Variants in SLC17A6 observed in about 807,000 individuals in gnomAD.
SLC17A6 encodes the protein vesicular glutamate transporter 2.
A neutral mutation model predicts 67.1 loss-of-function variants in SLC17A6; 35 were observed. That is an observed-to-expected ratio of 0.52 (90% CI 0.40 to 0.69). The LOEUF (loss-of-function observed/expected upper bound fraction) is 0.69, where lower values mean the gene tolerates loss of function less well. Among genes scored for constraint, SLC17A6 ranks in the 30% least tolerant of loss-of-function variants. The pLI, the probability that SLC17A6 is intolerant of heterozygous loss-of-function variation, is 0.00. For missense variants in SLC17A6, 588 were observed against 723.9 expected (o/e 0.81, Z 2.15); for synonymous variants, 285 against 252.3 (o/e 1.13, Z -1.23).
intron 1 of SLC17A6, among the ~76,000 whole-genome samples, chr11:22,339,307 T>C (rs996906880): frequency 6.6e-6 from 1 of 151,034 alleles, no homozygotes; most frequent in Non-Finnish European, 1.5e-5. Context: ...AATCAAAATA[T>C]ATCAATAATT....
chr11:22,345,058 G>A (rs1377645549), intron 3 of SLC17A6, among the ~76,000 whole-genome samples: 1 of 151,940 alleles, frequency 6.6e-6, no homozygotes, highest in Admixed American at 6.6e-5. Flanking sequence ...TATAATGGTG[G>A]TGACTTTAAG....
At chr11:22,362,031 T>C (rs573485869) in intron 5 of SLC17A6, among the ~76,000 whole-genome samples, 1 of 152,304 alleles carries the variant, frequency 6.6e-6, no homozygotes, top group East Asian at 1.9e-4. Flanking sequence ...TAAGACCTTT[T>C]TTTTTTTACA....
chr11:22,358,473 G>A (rs1389076738), intron 3 of SLC17A6, among the ~76,000 whole-genome samples: 4 of 151,946 alleles, frequency 2.6e-5, no homozygotes, highest in East Asian at 1.9e-4. Flanking sequence ...GATTACAGGC[G>A]CACACCACCA....
chr11:22,340,048 G>T (rs2593695), intron 1 of SLC17A6, among the ~76,000 whole-genome samples: 152,371 of 152,376 alleles, frequency 1, 76,183 homozygotes, highest in Middle Eastern at 1. Context: ...CAGGTGCTAC[G>T]TTATAGAATT....
Position 22,338,655 on chromosome 11 carries a change from A to G in SLC17A6, c.86+36A>G, listed in dbSNP as rs530110393. ...GCGAACACTTGCTTACCTGGGGCTC[A>G]GCATGAAAAAATCTGCAGGGCCGTT... On this transcript the variant is annotated intron_variant, in intron 1 of 11. Coordinates refer to ENST00000263160, the MANE Select transcript of SLC17A6 (RefSeq NM_020346.3). 46 of 1,505,514 alleles carry G rather than the reference A, an allele frequency of 3.1e-5. No homozygotes were observed. In the South Asian group the frequency reaches 5.3e-4, roughly 17 times the overall value. 93.3% of individuals were successfully genotyped at this position (1,505,514 alleles called of 1,614,324 possible). A position where few individuals can be genotyped will look rare whatever the true frequency, so the allele number is the denominator to read the frequency against.
intron 7 of SLC17A6, among the ~76,000 whole-genome samples, chr11:22,366,711 G>T (rs1313649185): frequency 6.6e-6 from 1 of 152,042 alleles, no homozygotes; most frequent in Admixed American, 6.6e-5. Flanking sequence ...TAAAAAGGTG[G>T]CTGGGCGTCG....
At position 22,375,966 on chromosome 11, in the gene SLC17A6, G is replaced by A. The variant is rs1397376066; in HGVS notation, c.1175-16G>A. ...TCAAAAATTTCTGAAGAATTTCTAT[G>A]TGTTTGCTTCTGAAGGTTTTGGCAT... On this transcript the variant is annotated splice_polypyrimidine_tract_variant and intron_variant, in intron 9 of 11. Coordinates refer to ENST00000263160, the MANE Select transcript of SLC17A6 (RefSeq NM_020346.3). The A allele has an allele frequency of 1.3e-6, 2 of 1,573,624 alleles. No homozygotes were observed. The highest frequency in any genetic ancestry group is 1.7e-6 in the Non-Finnish European group (2 of 1,156,884).
chr11:22,377,570 G>T lies in SLC17A6; in HGVS notation c.1579G>T (p.Glu527Ter). 1 of 1,614,132 alleles carries T rather than the reference G, an allele frequency of 6.2e-7. No homozygotes were observed. Among genetic ancestry groups the T allele is most frequent in the Non-Finnish European group, 8.5e-7 (1 of 1,180,006 alleles). ...GFIHEDELDE[E>*]TGDITQNYIN... Reference sequence around the variant, plus strand: ...TATTCATGAAGATGAACTCGATGAAGAAACAGGGGACATTACTCAAAATTA... The same window carrying T: ...TATTCATGAAGATGAACTCGATGAATAAACAGGGGACATTACTCAAAATTA... Residue 527 changes from glutamate to a stop codon, truncating the protein, a stop_gained, in exon 12 of 12, where the codon GAA becomes TAA. Transcript: ENST00000263160. LOFTEE classifies it high-confidence loss of function.
chr11:22,340,736 C>G (rs181535504), intron 1 of SLC17A6, among the ~76,000 whole-genome samples: 90 of 151,964 alleles, frequency 5.9e-4, no homozygotes, highest in Non-Finnish European at 1.1e-3. Context: ...TGCTGTGGAG[C>G]CCTTTGTCTC....
intron 3 of SLC17A6, among the ~76,000 whole-genome samples, chr11:22,347,468 C>T (rs1242302169): frequency 6.7e-6 from 1 of 150,290 alleles, no homozygotes; most frequent in Non-Finnish European, 1.5e-5. Flanking sequence ...TAATTGCTTG[C>T]CGTTATTATT....
chr11:22,376,665 A>G lies in SLC17A6; in HGVS notation c.1406A>G (p.Lys469Arg), dbSNP rs1308349633. 6.2e-7 allele frequency: 1 copy of G among 1,613,858 alleles called. No homozygotes were observed. The highest frequency in any genetic ancestry group is 2.2e-5 in the East Asian group (1 of 44,822). ...CCTATCATTGTTGGTGCAATGACAA[A>G]GAATAAGGTAAGATGGTCAAAACAG... ...VCPIIVGAMT[K>R]NKSREEWQYV... Residue 469 changes from lysine to arginine, a missense_variant, in exon 11 of 12, where the codon AAG (lysine) becomes AGG (arginine). By Grantham distance (26) the Lys-to-Arg change is conservative. Coordinates refer to ENST00000263160, the MANE Select transcript of SLC17A6 (RefSeq NM_020346.3).
chr11:22,343,048 C>A, intron 2 of SLC17A6, 199 bp from the exon 3 acceptor site: 1 of 639,286 alleles, frequency 1.6e-6, no homozygotes, highest in African/African-American at 1.8e-5. Flanking sequence ...CTATTAATCA[C>A]AATACATTTT....
At chr11:22,372,286 T>C (rs1024906188) in intron 8 of SLC17A6, among the ~76,000 whole-genome samples, 1 of 151,466 alleles carries the variant, frequency 6.6e-6, no homozygotes, top group African/African-American at 2.4e-5. Context: ...AACTGAGATA[T>C]ACATATATAT....
In SLC17A6 at chr11:22,377,473, T is replaced by C. The variant is rs752191620; in HGVS notation, c.1482T>C (p.Tyr494=). The part of the protein sequence containing the change: ...ALVHYGGVIF[Y]AIFASGEKQP... ...TCCACTATGGTGGAGTTATATTTTA[T>C]GCAATATTTGCCTCAGGAGAGAAAC... is the stretch of plus-strand genomic sequence containing the variant. The change falls in exon 12 of 12, where the codon TAT becomes TAC. Residue 494 remains tyrosine (Y), a synonymous_variant. Transcript: ENST00000263160. The C allele has an allele frequency of 3.1e-6, 5 of 1,614,136 alleles. No individual in the cohort carries two copies. The highest frequency in any genetic ancestry group is 4.2e-6 in the Non-Finnish European group (5 of 1,180,010).
chr11:22,347,168 T>C (rs1032629720), intron 3 of SLC17A6, among the ~76,000 whole-genome samples: 2 of 151,972 alleles, frequency 1.3e-5, no homozygotes, highest in Non-Finnish European at 2.9e-5. Context: ...ATTACTAGTA[T>C]CTCAGAGAGT....
At chr11:22,362,164 TG>T in intron 5 of SLC17A6, 1 of 336,414 alleles carries the variant, frequency 3.0e-6, no homozygotes. Flanking sequence ...AACTATTTTA[TG>T]GGACAGCAAA....
intron 3 of SLC17A6, among the ~76,000 whole-genome samples, chr11:22,344,955 C>A (rs1009351393): frequency 6.6e-6 from 1 of 151,858 alleles, no homozygotes; most frequent in Admixed American, 6.6e-5. Flanking sequence ...AACATACATG[C>A]ATGGAATGTT....
At chr11:22,355,261 T>C (rs973788252) in intron 3 of SLC17A6, among the ~76,000 whole-genome samples, 1 of 152,198 alleles carries the variant, frequency 6.6e-6, no homozygotes, top group Non-Finnish European at 1.5e-5. Context: ...TACCTAGTGA[T>C]GTCGTTTTTA....
chr11:22,366,985 G>A (rs1160954575), intron 7 of SLC17A6, among the ~76,000 whole-genome samples: 1 of 117,434 alleles, frequency 8.5e-6, no homozygotes, highest in East Asian at 2.6e-4. Context: ...CAGCCTGGGC[G>A]ACAAACAAGA....
Sources: gnomAD v4.1 joint callset for allele counts (sites outside exome capture counted in the v4.1 genomes callset) on GRCh38, gnomAD v4.1.1 for gene constraint, MANE v1.5 for transcripts, NCBI Gene and HGNC (gene_info 2026-07-23, HGNC 2026-07-21) for gene names.